The following PHAF1 variants were observed in gnomAD, a reference collection of about 807,000 sequenced individuals.
The protein encoded by PHAF1 is phagosome assembly factor 1.
A neutral mutation model predicts 63.1 loss-of-function variants in PHAF1; 23 were observed. The observed-to-expected ratio is 0.36, with a 90% CI of 0.26 to 0.52. PHAF1 has a LOEUF of 0.52. Ranked by LOEUF, PHAF1 falls within the 20% of genes least tolerant of loss-of-function variation. PHAF1 has a pLI of 0.93. For synonymous variants in PHAF1, 167 were observed against 185.0 expected, an observed-to-expected ratio of 0.90 and a Z score of 0.79; for missense variants, 427 against 517.2, an observed-to-expected ratio of 0.83 and a Z score of 1.69.
At chr16:67,113,203 T>C (rs1962589141) in intron 1 of PHAF1, among the ~76,000 whole-genome samples, 1 of 152,214 alleles carries the variant, frequency 6.6e-6, no homozygotes, top group Non-Finnish European at 1.5e-5. Flanking sequence ...AGGTTTCTTA[T>C]TGGAATCTGT....
intron 3 of PHAF1, 124 bp downstream of exon 3, chr16:67,126,166 G>C: frequency 1.4e-6 from 1 of 721,892 alleles, no homozygotes; most frequent in Non-Finnish European, 2.4e-6. Flanking sequence ...TTGGTTCAGA[G>C]ATCACTACAA....
At position 67,140,058 on chromosome 16, in the gene PHAF1, C is replaced by G; in HGVS notation, c.736C>G (p.Gln246Glu). ...ERSVYFGDSC[Q>E]DVLSMLGSPH... ...TTCAGTGTATTTTGGTGATTCCTGC[C>G]AAGATGTTCTTAGCATGCTTGGCTC... The change falls in exon 9 of 16, where the codon CAA (glutamine) becomes GAA (glutamate). Residue 246 changes from glutamine (Q) to glutamate (E), a missense_variant. Transcript: ENST00000219139. 1 of 1,614,004 alleles carries G rather than the reference C, an allele frequency of 6.2e-7. No homozygotes were observed. Among genetic ancestry groups the G allele is most frequent in the Non-Finnish European group, 8.5e-7 (1 of 1,179,966 alleles).
chr16:67,132,625 C>T, intron 5 of PHAF1, 100 bp downstream of exon 5: 1 of 1,369,338 alleles, frequency 7.3e-7, no homozygotes, highest in Non-Finnish European at 1.0e-6. Context: ...GAGTCAGGCT[C>T]CCATAGGATT....
rs1479453194 is a variant in PHAF1, at chr16:67,147,390, C to G, written c.*259C>G. 4.1e-6 allele frequency: 2 copies of G among 490,464 alleles called. No individual in the cohort carries two copies. The highest frequency in any genetic ancestry group is 3.9e-5 in the African/African-American group (2 of 51,452). The allele number at this position is 490,464 out of a possible 1,614,324, so 30.4% of individuals were successfully genotyped here. ...AAGCACAAAGTTTGAGCCTTGATTC[C>G]TGGACCCAGGAGCTCTCAACTAACA... On this transcript the variant is annotated 3_prime_UTR_variant, in exon 16 of 16. Transcript: ENST00000219139.
intron 15 of PHAF1, among the ~76,000 whole-genome samples, chr16:67,146,777 T>G (rs538142963): frequency 6.6e-6 from 1 of 152,304 alleles, no homozygotes; most frequent in African/African-American, 2.4e-5. Context: ...TGCCCTTGTT[T>G]TCCCTGTGGA....
intron 2 of PHAF1, among the ~76,000 whole-genome samples, chr16:67,122,586 A>C (rs953257603): frequency 2.0e-5 from 3 of 151,544 alleles, no homozygotes; most frequent in Non-Finnish European, 4.4e-5. Flanking sequence ...AAAAAAAAAA[A>C]AAAATGGGTT....
chr16:67,129,063 A>G (rs147163266), intron 3 of PHAF1, among the ~76,000 whole-genome samples: 2 of 152,306 alleles, frequency 1.3e-5, no homozygotes, highest in East Asian at 3.9e-4. Flanking sequence ...TTCTGGCTGA[A>G]GGTAGAGGCT....
intron 1 of PHAF1, among the ~76,000 whole-genome samples, chr16:67,119,027 T>G (rs1057224473): frequency 3.9e-5 from 6 of 152,008 alleles, no homozygotes; most frequent in African/African-American, 1.4e-4. Flanking sequence ...CCTCCTGCCC[T>G]GCCCTCCCAA....
Position 67,130,988 on chromosome 16 carries a change from C to T in PHAF1, c.232-298C>T, listed in dbSNP as rs547747075. On this transcript the variant is annotated intron_variant, in intron 3 of 15. Transcript: ENST00000219139. ...ATAACAAAGGACTGTCATGGTGGCTCATGCTTGTAATCCCAGCACTTTGGG... is the reference window on the plus strand; with the variant it reads ...ATAACAAAGGACTGTCATGGTGGCTTATGCTTGTAATCCCAGCACTTTGGG... Among the ~76,000 whole-genome samples, 31 of 152,216 alleles carry T rather than the reference C, an allele frequency of 2.0e-4. No individual in the cohort carries two copies. The East Asian group carries it at 6.0e-3, about 29-fold the overall frequency.
chr16:67,127,961 TG>T (rs1319125523), intron 3 of PHAF1, among the ~76,000 whole-genome samples: 5 of 152,198 alleles, frequency 3.3e-5, no homozygotes, highest in Non-Finnish European at 5.9e-5. Context: ...GTAACCTAAA[TG>T]GGCAACAAAA....
intron 1 of PHAF1, among the ~76,000 whole-genome samples, chr16:67,113,691 C>T (rs1485093444): frequency 1.3e-4 from 20 of 151,584 alleles, no homozygotes; most frequent in Non-Finnish European, 2.2e-4. Flanking sequence ...CGTCGTGATC[C>T]GCCCACCTCG....
In PHAF1 at chr16:67,143,963, G is replaced by C. The variant is rs1373347035; in HGVS notation, c.880-331G>C. On this transcript the variant is annotated intron_variant, in intron 10 of 15. Coordinates refer to ENST00000219139, the MANE Select transcript of PHAF1 (RefSeq NM_025187.5). The stretch of plus-strand genomic sequence containing the variant: ...TAAATTAAAAAAAAAACAGCCAGGC[G>C]TGGTGGTGGGCGCCTGTAATCCCAG... 2.6e-5 allele frequency among the ~76,000 whole-genome samples: 4 copies of C among 152,046 alleles called. No individual in the cohort carries two copies. In the South Asian group the frequency reaches 8.3e-4, roughly 32 times the overall value.
chr16:67,141,192 G>A (rs995400223), intron 10 of PHAF1, among the ~76,000 whole-genome samples: 19 of 152,146 alleles, frequency 1.2e-4, no homozygotes, highest in African/African-American at 3.4e-4. Context: ...AGCCTTCTAC[G>A]GTCTGAGGTC....
chr16:67,134,756 G>A (rs1326394890), intron 8 of PHAF1: 1 of 524,192 alleles, frequency 1.9e-6, no homozygotes, highest in African/African-American at 1.9e-5. Context: ...TTAACTCCCT[G>A]GAGTCTGTTT....
rs767811516 is a variant in PHAF1 at position 67,134,487 on chromosome 16, G to A, written c.661+20G>A. ...CTGCAGGTCAGTGACTGGCTTTGAG[G>A]TTGGTACATTCCGCATTATACCCAT... is the stretch of plus-strand genomic sequence containing the variant. On this transcript the variant is annotated intron_variant, in intron 8 of 15. Coordinates refer to ENST00000219139, the MANE Select transcript of PHAF1 (RefSeq NM_025187.5). The A allele has an allele frequency of 4.4e-6, 7 of 1,575,886 alleles. No individual in the cohort carries two copies. The East Asian group carries it at 1.3e-4, about 30-fold the overall frequency.
intron 1 of PHAF1, among the ~76,000 whole-genome samples, chr16:67,111,784 C>T (rs1203943199): frequency 2.6e-5 from 4 of 152,212 alleles, no homozygotes; most frequent in South Asian, 2.1e-4. Flanking sequence ...CCACCACACC[C>T]GGCTAATTTT....
intron 10 of PHAF1, 92 bp downstream of exon 10, chr16:67,140,686 A>G: frequency 9.8e-7 from 1 of 1,021,890 alleles, no homozygotes; most frequent in Non-Finnish European, 1.5e-6. Flanking sequence ...AGCTGGAACC[A>G]TGCCTGGACA....
chr16:67,146,625 CATG>C (rs1447383428), intron 15 of PHAF1, among the ~76,000 whole-genome samples: 3 of 152,208 alleles, frequency 2.0e-5, no homozygotes, highest in Non-Finnish European at 4.4e-5. Context: ...TATCTGACAA[CATG>C]ATTATAGCAG....
rs776498444 is a variant in PHAF1, at chr16:67,120,132, G to A, written c.85G>A (p.Val29Ile). ...FTLGMPLAQA[V>I]AILQKHCRII... is the part of the protein sequence containing the mutation. Reference sequence around the variant, plus strand: ...TTCAGGAATGCCTCTGGCTCAGGCAGTAGCCATTCTTCAGAAGCACTGTCG... The same window carrying A: ...TTCAGGAATGCCTCTGGCTCAGGCAATAGCCATTCTTCAGAAGCACTGTCG... The change falls in exon 2 of 16, where the codon GTA (valine) becomes ATA (isoleucine). Residue 29 changes from valine (V) to isoleucine (I), a missense_variant. Physicochemically the swap from Val to Ile is conservative, Grantham distance 29. Transcript: ENST00000219139. 6.2e-7 allele frequency: 1 copy of A among 1,614,018 alleles called. No homozygotes were observed.
Sources: gnomAD v4.1 joint callset for allele counts (sites outside exome capture counted in the v4.1 genomes callset) on GRCh38, gnomAD v4.1.1 for gene constraint, MANE v1.5 for transcripts, NCBI Gene and HGNC (gene_info 2026-07-23, HGNC 2026-07-21) for gene names.